FGF14: variants seen among roughly 807,000 people sequenced by gnomAD.
The protein encoded by FGF14 is fibroblast growth factor 14.
Under a neutral mutation model 25.5 loss-of-function variants are expected in FGF14, and 5 were observed. The ratio of observed to expected loss-of-function variants is 0.20; its 90% CI spans 0.10 to 0.41. The LOEUF is 0.41. FGF14 is among the 10% of genes least tolerant of loss of function. The pLI, the probability that FGF14 is intolerant of heterozygous loss-of-function variation, is 1.00. For synonymous variants in FGF14, 138 were observed against 118.3 expected (o/e 1.17, Z -1.08); for missense variants, 222 against 320.1 (o/e 0.69, Z 2.34).
chr13:102,045,865 T>C (rs1301120001), intron 1 of FGF14: 2 of 152,842 alleles, frequency 1.3e-5, no homozygotes, highest in Non-Finnish European at 2.9e-5. Flanking sequence ...ATTAAGCATG[T>C]CATTCATGCA....
intron 1 of FGF14, among the ~76,000 whole-genome samples, chr13:102,220,960 AGG>A (rs1392167716): frequency 6.6e-6 from 1 of 152,190 alleles, no homozygotes; most frequent in South Asian, 2.1e-4. Context: ...TGCACTACAC[AGG>A]GGTATTGAGA....
chr13:101,954,659 C>T (rs1454743014), intron 1 of FGF14, among the ~76,000 whole-genome samples: 2 of 152,218 alleles, frequency 1.3e-5, no homozygotes, highest in Non-Finnish European at 2.9e-5. Flanking sequence ...CCCATGGCCC[C>T]TGAGGGCACT....
At chr13:101,778,075 C>A (rs753547961) in intron 3 of FGF14, among the ~76,000 whole-genome samples, 1 of 152,134 alleles carries the variant, frequency 6.6e-6, no homozygotes, top group African/African-American at 2.4e-5. Flanking sequence ...CGTGAGAGTG[C>A]CTGGTAAATC....
At chr13:102,142,808 C>A (rs2046696903) in intron 1 of FGF14, among the ~76,000 whole-genome samples, 1 of 152,164 alleles carries the variant, frequency 6.6e-6, no homozygotes, top group South Asian at 2.1e-4. Context: ...ATTAAAATTT[C>A]TCTAAAACAC....
intron 1 of FGF14, among the ~76,000 whole-genome samples, chr13:102,268,292 G>T (rs1001590116): frequency 2.6e-5 from 4 of 151,584 alleles, no homozygotes; most frequent in Non-Finnish European, 2.9e-5. Flanking sequence ...TCCACACAAA[G>T]GAATAATGTG....
At chr13:102,060,802 C>T (rs986649922) in intron 1 of FGF14, among the ~76,000 whole-genome samples, 1 of 152,150 alleles carries the variant, frequency 6.6e-6, no homozygotes, top group Admixed American at 6.5e-5. Context: ...ACAAGCACCC[C>T]TGTTTTCGTG....
intron 1 of FGF14, among the ~76,000 whole-genome samples, chr13:102,282,714 G>A (rs1311179370): frequency 6.6e-6 from 1 of 151,940 alleles, no homozygotes; most frequent in African/African-American, 2.4e-5. Flanking sequence ...TTTTGTAATC[G>A]AATAAATATT....
chr13:101,890,549 C>T (rs895250369), intron 1 of FGF14, among the ~76,000 whole-genome samples: 1 of 152,110 alleles, frequency 6.6e-6, no homozygotes, highest in Admixed American at 6.5e-5. Flanking sequence ...CCTCAGATCT[C>T]GGCAAGAACA....
At chr13:102,153,249 A>G (rs551246545) in intron 1 of FGF14, among the ~76,000 whole-genome samples, 7 of 152,232 alleles carry the variant, frequency 4.6e-5, no homozygotes, top group Non-Finnish European at 8.8e-5. Flanking sequence ...GTTGAGAGAG[A>G]AAGAAAAAGA....
chr13:102,121,990 G>A (rs1297352496), intron 1 of FGF14, among the ~76,000 whole-genome samples: 4 of 152,250 alleles, frequency 2.6e-5, no homozygotes, highest in Admixed American at 6.5e-5. Flanking sequence ...GAAATCAAAC[G>A]TAAATTGACA....
At chr13:102,072,454 CAATT>C (rs1422728072) in intron 1 of FGF14, among the ~76,000 whole-genome samples, 9 of 152,100 alleles carry the variant, frequency 5.9e-5, no homozygotes, top group African/African-American at 2.2e-4. Flanking sequence ...ACAAAAGTAG[CAATT>C]AATAGCCCAA....
At chr13:102,020,994 T>C (rs994400070) in intron 1 of FGF14, among the ~76,000 whole-genome samples, 9 of 151,770 alleles carry the variant, frequency 5.9e-5, no homozygotes, top group African/African-American at 1.9e-4. Flanking sequence ...GAGTAGGTTG[T>C]GGTCAGAGTA....
At chr13:101,965,799 T>C (rs1020670989) in intron 1 of FGF14, among the ~76,000 whole-genome samples, 28 of 152,064 alleles carry the variant, frequency 1.8e-4, no homozygotes, top group African/African-American at 6.8e-4. Flanking sequence ...AGGCAATCAA[T>C]TTTAAGGAAC....
At chr13:101,888,556 G>T (rs1566381447) in intron 1 of FGF14, among the ~76,000 whole-genome samples, 1 of 152,024 alleles carries the variant, frequency 6.6e-6, no homozygotes, top group Non-Finnish European at 1.5e-5. Context: ...ATTTCCACAT[G>T]GGGTTAATTT....
intron 1 of FGF14, among the ~76,000 whole-genome samples, chr13:101,884,341 T>A (rs2045881917): frequency 6.6e-6 from 1 of 151,980 alleles, no homozygotes; most frequent in Non-Finnish European, 1.5e-5. Context: ...AAGAAAATGT[T>A]TAATCTGAAG....
intron 3 of FGF14, among the ~76,000 whole-genome samples, chr13:101,828,364 A>G (rs2042502105): frequency 6.6e-6 from 1 of 152,068 alleles, no homozygotes; most frequent in Non-Finnish European, 1.5e-5. Flanking sequence ...CCTCCAAGTC[A>G]CTTAAAATGA....
At chr13:101,745,743 A>C (rs2036843246) in intron 3 of FGF14, among the ~76,000 whole-genome samples, 1 of 152,090 alleles carries the variant, frequency 6.6e-6, no homozygotes, top group Non-Finnish European at 1.5e-5. Context: ...CTTTTCAAAG[A>C]AGGTAGGTTT....
At chr13:102,096,761 G>A (rs2044421761) in intron 1 of FGF14, among the ~76,000 whole-genome samples, 1 of 144,366 alleles carries the variant, frequency 6.9e-6, no homozygotes, top group African/African-American at 2.4e-5. Flanking sequence ...GAGGAGAGTA[G>A]GCACAAAATA....
intron 1 of FGF14, among the ~76,000 whole-genome samples, chr13:102,226,426 T>C (rs973806343): frequency 6.6e-6 from 1 of 152,232 alleles, no homozygotes; most frequent in Non-Finnish European, 1.5e-5. Flanking sequence ...AAAACTATTC[T>C]TACTGCTGTC....
Sources: allele counts gnomAD v4.1 joint callset (sites outside exome capture counted in the v4.1 genomes callset), GRCh38; gene constraint gnomAD v4.1.1; transcripts MANE v1.5; gene names NCBI Gene and HGNC (gene_info 2026-07-23, HGNC 2026-07-21).